Variants in SDK2 observed in about 807,000 individuals in gnomAD.
SDK2 encodes the protein sidekick cell adhesion molecule 2.
Under a neutral mutation model 253.9 loss-of-function variants are expected in SDK2, and 105 were observed. That is an observed-to-expected ratio of 0.41 (90% CI 0.35 to 0.49). SDK2 has a LOEUF of 0.49. Among genes scored for constraint, SDK2 ranks in the 20% least tolerant of loss-of-function variants. The pLI is 0.06. For missense variants in SDK2, 2,608 were observed against 3,003.0 expected (o/e 0.87, Z 3.07); for synonymous variants, 1,249 against 1,234.9 (o/e 1.01, Z -0.24).
At chr17:73,584,859 G>T (rs2045583806) in intron 1 of SDK2, among the ~76,000 whole-genome samples, 1 of 152,260 alleles carries the variant, frequency 6.6e-6, no homozygotes, top group Non-Finnish European at 1.5e-5. Context: ...GTCTCTACAG[G>T]AGAAGAGGAG....
At chr17:73,380,863 C>G in intron 34 of SDK2, 31 bp downstream of exon 34, 2 of 1,551,994 alleles carry the variant, frequency 1.3e-6, no homozygotes, top group South Asian at 2.4e-5. Flanking sequence ...GGCCTGGGCC[C>G]GCGATGAAGC....
In SDK2 at chr17:73,338,917, G is replaced by A. The variant is rs376496362; in HGVS notation, c.6189C>T (p.Val2063=). The part of the protein sequence containing the change: ...DSQGSDSEYE[V]DSNHQKAHSF... ...AGTGGGCCTTCTGGTGGTTTGAGTC[G>A]ACCTCGTACTCGCTGTCACTTCCCT... Residue 2063 remains valine (V), a synonymous_variant, in exon 45 of 45, where the codon GTC becomes GTT. Transcript: ENST00000392650. This position sits in a 1 kb window ranked among gnomAD's most constrained non-coding sequence, Gnocchi z 5.0. The A allele has an allele frequency of 5.0e-6, 8 of 1,613,968 alleles. No homozygotes were observed. The highest frequency in any genetic ancestry group is 2.2e-5 in the East Asian group (1 of 44,878).
intron 12 of SDK2, among the ~76,000 whole-genome samples, chr17:73,426,152 C>G (rs9674480): frequency 6.7e-6 from 1 of 148,624 alleles, no homozygotes; most frequent in Non-Finnish European, 1.5e-5. Context: ...TCAAGCAATT[C>G]TCCTGCCTCA....
chr17:73,515,226 G>C (rs935245565), intron 1 of SDK2, among the ~76,000 whole-genome samples: 3 of 152,146 alleles, frequency 2.0e-5, no homozygotes, highest in Non-Finnish European at 4.4e-5. Flanking sequence ...CAGAGCTCTG[G>C]ATCTTTCTAT....
At chr17:73,613,405 T>C (rs1198208485) in intron 1 of SDK2, among the ~76,000 whole-genome samples, 1 of 139,862 alleles carries the variant, frequency 7.1e-6, no homozygotes, top group African/African-American at 2.7e-5. Flanking sequence ...TGGAGAGAGA[T>C]GGTTCCAGGC....
At position 73,350,733 on chromosome 17, in the gene SDK2, A is replaced by G; in HGVS notation, c.5816T>C (p.Val1939Ala). The G allele has an allele frequency of 1.2e-6, 2 of 1,613,634 alleles. No homozygotes were observed. The highest frequency in any genetic ancestry group is 1.7e-6 in the Non-Finnish European group (2 of 1,179,780). The part of the protein sequence containing the change: ...EWWFLVVIAL[V>A]GLIFILLLVF... ...CAGAAGCAGGATGAAGATGAGGCCG[A>G]CCAGGGCAATGACCACCAAGAACCA... is the stretch of plus-strand genomic sequence containing the variant. The change falls in exon 42 of 45, where the codon GTC becomes GCC. Residue 1939 changes from valine (V) to alanine (A), a missense_variant. Physicochemically the swap from Val to Ala is moderately conservative, Grantham distance 64. Transcript: ENST00000392650.
chr17:73,444,345 G>T (rs1438281844), intron 5 of SDK2, among the ~76,000 whole-genome samples: 1 of 152,170 alleles, frequency 6.6e-6, no homozygotes, highest in African/African-American at 2.4e-5. Flanking sequence ...GTTAATGAAG[G>T]TCACCCCAGC....
rs370202582 is a variant in SDK2 at position 73,352,447 on chromosome 17, C to G, written c.5758+26G>C. 3.7e-5 allele frequency: 59 copies of G among 1,597,074 alleles called. No individual in the cohort carries two copies. Among genetic ancestry groups the G allele is most frequent in the African/African-American group, 9.4e-5 (7 of 74,694 alleles). On this transcript the variant is annotated intron_variant, in intron 41 of 44. Coordinates refer to ENST00000392650, the MANE Select transcript of SDK2 (RefSeq NM_001144952.2). The surrounding 1 kb of genome is among the most constrained non-coding windows in gnomAD (Gnocchi z 4.1). ...CCCAGGCTCTGCTGTGGGGCTCCCCCACTCCCTCAGCCCCCAGGCCGGTAC... is the reference window on the plus strand; with the variant it reads ...CCCAGGCTCTGCTGTGGGGCTCCCCGACTCCCTCAGCCCCCAGGCCGGTAC...
At chr17:73,492,514 G>C (rs946112120) in intron 2 of SDK2, among the ~76,000 whole-genome samples, 1 of 152,124 alleles carries the variant, frequency 6.6e-6, no homozygotes, top group Non-Finnish European at 1.5e-5. Flanking sequence ...CTGTCTGTGA[G>C]CCCACCAGTG....
intron 2 of SDK2, among the ~76,000 whole-genome samples, chr17:73,501,334 C>T (rs1000981413): frequency 1.3e-5 from 2 of 152,152 alleles, no homozygotes; most frequent in Non-Finnish European, 2.9e-5. Context: ...CTTCCTCCCC[C>T]CCACCACCTG....
intron 1 of SDK2, among the ~76,000 whole-genome samples, chr17:73,508,434 A>C (rs1567813301): frequency 6.6e-6 from 1 of 152,218 alleles, no homozygotes; most frequent in African/African-American, 2.4e-5. Flanking sequence ...AGTGTACACA[A>C]GGGAACTGAT....
intron 18 of SDK2, among the ~76,000 whole-genome samples, 154 bp downstream of exon 18, chr17:73,414,490 G>C (rs1361089864): frequency 1.3e-5 from 2 of 152,104 alleles, no homozygotes; most frequent in Non-Finnish European, 2.9e-5. Context: ...GGAAGGCCTG[G>C]AACTCTTTTC....
chr17:73,530,668 C>T (rs1319373517), intron 1 of SDK2, among the ~76,000 whole-genome samples: 1 of 152,166 alleles, frequency 6.6e-6, no homozygotes, highest in African/African-American at 2.4e-5. Flanking sequence ...ATGGCACTAC[C>T]ACATGCATCC....
chr17:73,582,540 G>A (rs2045551111), intron 1 of SDK2, among the ~76,000 whole-genome samples: 1 of 152,212 alleles, frequency 6.6e-6, no homozygotes, highest in Admixed American at 6.5e-5. Flanking sequence ...TAGAAGCCCC[G>A]CTAGCCTGCC....
chr17:73,509,555 C>T (rs145603248), intron 1 of SDK2, among the ~76,000 whole-genome samples: 1,563 of 149,168 alleles, frequency 0.01, 24 homozygotes, highest in African/African-American at 0.036. Context: ...TTTGGGAGGC[C>T]GAGGTGGGAG....
At chr17:73,378,443 A>C (rs1460779210) in intron 36 of SDK2, among the ~76,000 whole-genome samples, 1 of 150,510 alleles carries the variant, frequency 6.6e-6, no homozygotes. Context: ...TTTTTGAGAC[A>C]GAGTCTCACT....
chr17:73,380,638 C>A (rs1468528542), intron 34 of SDK2, among the ~76,000 whole-genome samples: 1 of 152,234 alleles, frequency 6.6e-6, no homozygotes, highest in Non-Finnish European at 1.5e-5. Context: ...CCCGACCCAG[C>A]CGAGCACAGG....
At chr17:73,451,870 A>G (rs1401336801) in intron 4 of SDK2, among the ~76,000 whole-genome samples, 1 of 152,176 alleles carries the variant, frequency 6.6e-6, no homozygotes, top group Non-Finnish European at 1.5e-5. Flanking sequence ...CCCCAGAGGC[A>G]ACCCAGATGG....
intron 40 of SDK2, among the ~76,000 whole-genome samples, chr17:73,355,174 A>ATATATATT: frequency 4.2e-5 from 2 of 47,238 alleles, no homozygotes; most frequent in Non-Finnish European, 6.7e-5. Flanking sequence ...ATATATATAT[A>ATATATATT]TTTTTTTTTT....
Sources: allele counts gnomAD v4.1 joint callset (sites outside exome capture counted in the v4.1 genomes callset), GRCh38; gene constraint gnomAD v4.1.1; non-coding constraint Gnocchi (gnomAD v3.1); transcripts MANE v1.5; gene names NCBI Gene and HGNC (gene_info 2026-07-23, HGNC 2026-07-21).